Variants in R3HCC1L observed in about 807,000 individuals in gnomAD.
R3HCC1L encodes the protein coiled-coil domain-containing protein R3HCC1L.
R3HCC1L carries 51 observed loss-of-function variants against 59.9 expected under a neutral mutation model. The ratio of observed to expected loss-of-function variants is 0.85; its 90% CI spans 0.68 to 1.07. R3HCC1L has a LOEUF of 1.07. Ranked by LOEUF, R3HCC1L falls within the 50% of genes least tolerant of loss-of-function variation. The pLI is 0.00. For missense variants in R3HCC1L, 965 were observed against 933.0 expected, an observed-to-expected ratio of 1.03 and a Z score of -0.45; for synonymous variants, 322 against 315.2, an observed-to-expected ratio of 1.02 and a Z score of -0.23.
chr10:98,147,566 C>T (rs1194049794), intron 1 of R3HCC1L, among the ~76,000 whole-genome samples: 1 of 151,986 alleles, frequency 6.6e-6, no homozygotes, highest in Non-Finnish European at 1.5e-5. Flanking sequence ...GTCTTTAATC[C>T]ATTTTGATTT....
At position 98,228,030 on chromosome 10, in the gene R3HCC1L, C is replaced by T. The variant is rs187544684; in HGVS notation, c.1786-3482C>T. Among the ~76,000 whole-genome samples, 12 of 152,174 alleles carry T rather than the reference C, an allele frequency of 7.9e-5. No homozygotes were observed. In the East Asian group the frequency reaches 9.7e-4, roughly 12 times the overall value. ...GAGTCTTTCCTATTGTGAAAAGAGCCGCAACAAACATATGTGTGCATGTGT... is the reference window on the plus strand; with the variant it reads ...GAGTCTTTCCTATTGTGAAAAGAGCTGCAACAAACATATGTGTGCATGTGT... On this transcript the variant is annotated intron_variant, in intron 5 of 9. Transcript: ENST00000298999.
intron 4 of R3HCC1L, among the ~76,000 whole-genome samples, chr10:98,198,378 A>G (rs1851680042): frequency 6.6e-6 from 1 of 152,144 alleles, no homozygotes; most frequent in Non-Finnish European, 1.5e-5. Context: ...GCTGAATGGC[A>G]GGACTAGGAC....
At chr10:98,231,878 C>T (rs549424240) in intron 6 of R3HCC1L, among the ~76,000 whole-genome samples, 191 bp downstream of exon 6, 1 of 152,280 alleles carries the variant, frequency 6.6e-6, no homozygotes, top group Non-Finnish European at 1.5e-5. Context: ...TTAAAAATGT[C>T]AGGTAGCCTT....
Position 98,231,664 on chromosome 10 carries a change from T to C in R3HCC1L, c.1938T>C (p.Leu646=). The change falls in exon 6 of 10, where the codon CTT becomes CTC. Residue 646 remains leucine (L), a synonymous_variant. Transcript: ENST00000298999. ...CCCAAGAATTTCATACTGAAGACCT[T>C]CTACGGGTTTTCTGCAGTTATCAGT... ...DFPQEFHTED[L]LRVFCSYQKK... The C allele has an allele frequency of 1.2e-6, 2 of 1,610,810 alleles. No homozygotes were observed. The highest frequency in any genetic ancestry group is 1.7e-6 in the Non-Finnish European group (2 of 1,177,874).
intron 4 of R3HCC1L, among the ~76,000 whole-genome samples, chr10:98,196,911 T>C (rs1411966785): frequency 6.6e-6 from 1 of 152,120 alleles, no homozygotes; most frequent in African/African-American, 2.4e-5. Context: ...CTTACTGACT[T>C]CTCCGCCCCT....
chr10:98,183,347 T>A (rs1425426017), intron 4 of R3HCC1L, among the ~76,000 whole-genome samples: 2 of 146,400 alleles, frequency 1.4e-5, no homozygotes, highest in African/African-American at 5.1e-5. Flanking sequence ...TTTTTTTTTT[T>A]AAACTCTGGC....
At chr10:98,196,516 C>T (rs1346035078) in intron 4 of R3HCC1L, among the ~76,000 whole-genome samples, 2 of 152,172 alleles carry the variant, frequency 1.3e-5, no homozygotes, top group Non-Finnish European at 2.9e-5. Context: ...AACTCAGCCT[C>T]CTGAGTAGCT....
At chr10:98,203,721 G>T (rs777264452) in intron 4 of R3HCC1L, among the ~76,000 whole-genome samples, 22 of 152,150 alleles carry the variant, frequency 1.4e-4, no homozygotes, top group Non-Finnish European at 2.9e-4. Flanking sequence ...AATTTATTGT[G>T]TGCTTGTTCA....
intron 4 of R3HCC1L, among the ~76,000 whole-genome samples, chr10:98,184,820 G>C (rs1218035744): frequency 6.6e-6 from 1 of 152,130 alleles, no homozygotes; most frequent in Non-Finnish European, 1.5e-5. Context: ...TCCCCTAGCT[G>C]CAGGTCCACA....
At chr10:98,231,747 T>C in intron 6 of R3HCC1L, 60 bp downstream of exon 6, 1 of 1,439,496 alleles carries the variant, frequency 6.9e-7, no homozygotes, top group Non-Finnish European at 9.4e-7. Flanking sequence ...TAAAAAATGT[T>C]TTCTGAGAAA....
intron 5 of R3HCC1L, among the ~76,000 whole-genome samples, chr10:98,226,817 A>G (rs1855723661): frequency 6.6e-6 from 1 of 152,236 alleles, no homozygotes; most frequent in Non-Finnish European, 1.5e-5. Context: ...TTAAAGTTTA[A>G]CTGATATCTT....
intron 9 of R3HCC1L, 101 bp from the exon 10 acceptor site, chr10:98,243,990 C>T (rs139361411): frequency 6.4e-6 from 6 of 935,430 alleles, no homozygotes; most frequent in Non-Finnish European, 8.6e-6. Context: ...CCAGGATATC[C>T]ACTTGTCTCA....
At chr10:98,143,817 T>C (rs1845402132) in intron 1 of R3HCC1L, among the ~76,000 whole-genome samples, 1 of 152,202 alleles carries the variant, frequency 6.6e-6, no homozygotes, top group African/African-American at 2.4e-5. Flanking sequence ...TACTTTGTAA[T>C]TAAACATATT....
intron 4 of R3HCC1L, among the ~76,000 whole-genome samples, chr10:98,192,286 G>A (rs1352667793): frequency 1.3e-5 from 2 of 151,980 alleles, no homozygotes; most frequent in African/African-American, 4.8e-5. Context: ...AAAGGTCTTG[G>A]AAATAATATA....
chr10:98,172,744 T>A (rs1013297444), intron 4 of R3HCC1L, among the ~76,000 whole-genome samples: 3 of 152,204 alleles, frequency 2.0e-5, no homozygotes, highest in African/African-American at 4.8e-5. Context: ...TTTGGCGGGA[T>A]GTGGCAGCAA....
At chr10:98,233,879 A>G (rs1322426673) in intron 6 of R3HCC1L, among the ~76,000 whole-genome samples, 1 of 152,040 alleles carries the variant, frequency 6.6e-6, no homozygotes, top group Non-Finnish European at 1.5e-5. Flanking sequence ...CTTCTGCAAC[A>G]AGTGAAGAAT....
At chr10:98,190,742 T>C (rs1850738590) in intron 4 of R3HCC1L, among the ~76,000 whole-genome samples, 1 of 152,138 alleles carries the variant, frequency 6.6e-6, no homozygotes, top group Admixed American at 6.5e-5. Context: ...CCATGTTGGT[T>C]TGCTTCACCC....
chr10:98,174,593 A>T, intron 4 of R3HCC1L: 1 of 984,114 alleles, frequency 1.0e-6, no homozygotes, highest in Non-Finnish European at 1.2e-6. Context: ...GTCTCAGTTT[A>T]AACACAACTC....
At chr10:98,145,302 A>G (rs1590388119) in intron 1 of R3HCC1L, among the ~76,000 whole-genome samples, 1 of 152,238 alleles carries the variant, frequency 6.6e-6, no homozygotes, top group Non-Finnish European at 1.5e-5. Context: ...AGAAAACATG[A>G]TATCTCTTGT....
Sources: allele counts gnomAD v4.1 joint callset (sites outside exome capture counted in the v4.1 genomes callset), GRCh38; gene constraint gnomAD v4.1.1; transcripts MANE v1.5; gene names NCBI Gene and HGNC (gene_info 2026-07-23, HGNC 2026-07-21).